The following SLC44A3 variants were observed in gnomAD, a reference collection of about 807,000 sequenced individuals.
SLC44A3 encodes the protein solute carrier family 44 member 3.
SLC44A3 carries 74 observed loss-of-function variants against 75.4 expected under a neutral mutation model. The observed-to-expected ratio is 0.98, with a 90% confidence interval of 0.81 to 1.19. The LOEUF is 1.19. Among genes scored for constraint, SLC44A3 ranks in the 50% most tolerant of loss-of-function variants. The pLI, the probability that SLC44A3 is intolerant of heterozygous loss-of-function variation, is 0.00. For synonymous variants in SLC44A3, 310 were observed against 296.9 expected (o/e 1.04, Z -0.45); for missense variants, 700 against 778.6 (o/e 0.90, Z 1.20).
intron 12 of SLC44A3, among the ~76,000 whole-genome samples, chr1:94,879,632 G>A (rs889014152): frequency 7.3e-5 from 11 of 150,972 alleles, no homozygotes; most frequent in African/African-American, 2.7e-4. Flanking sequence ...GAGGTCAGGA[G>A]ATCAAGACCA....
intron 9 of SLC44A3, among the ~76,000 whole-genome samples, chr1:94,854,247 C>T (rs904219416): frequency 4.6e-5 from 7 of 152,216 alleles, no homozygotes; most frequent in African/African-American, 1.7e-4. Flanking sequence ...AGATGTGACT[C>T]TCAGCCTGTG....
intron 10 of SLC44A3, among the ~76,000 whole-genome samples, chr1:94,862,021 A>G (rs1666638732): frequency 1.3e-5 from 2 of 152,206 alleles, no homozygotes; most frequent in Admixed American, 1.3e-4. Flanking sequence ...GAGCCTAAGG[A>G]ATTTAGGTAG....
At chr1:94,837,652 A>G (rs1465774537) in intron 5 of SLC44A3, 59 bp from the exon 6 acceptor site, 1 of 1,485,290 alleles carries the variant, frequency 6.7e-7, no homozygotes, top group Non-Finnish European at 9.0e-7. Flanking sequence ...TTAAATAAAC[A>G]TCTTTTAAAG....
chr1:94,852,217 A>T (rs1665299733), intron 9 of SLC44A3, among the ~76,000 whole-genome samples: 1 of 152,242 alleles, frequency 6.6e-6, no homozygotes. Flanking sequence ...AAAGTAAGTC[A>T]GTCAATGTTA....
chr1:94,870,767 C>G (rs1245498619), intron 12 of SLC44A3, among the ~76,000 whole-genome samples: 1 of 152,210 alleles, frequency 6.6e-6, no homozygotes, highest in Non-Finnish European at 1.5e-5. Flanking sequence ...ACTGCAACCT[C>G]TGCCTCCCGG....
chr1:94,863,390 C>G (rs1018444925), intron 10 of SLC44A3, among the ~76,000 whole-genome samples: 4 of 152,186 alleles, frequency 2.6e-5, no homozygotes, highest in Non-Finnish European at 5.9e-5. Context: ...CCCCAAGGCC[C>G]TCATTCACAG....
At chr1:94,834,351 C>T (rs1429385578) in intron 5 of SLC44A3, among the ~76,000 whole-genome samples, 7 of 151,956 alleles carry the variant, frequency 4.6e-5, no homozygotes, top group Admixed American at 1.3e-4. Context: ...ACAGATGACT[C>T]GTAGTGGCCA....
chr1:94,853,928 G>A (rs114084789), intron 9 of SLC44A3, among the ~76,000 whole-genome samples: 1,875 of 150,674 alleles, frequency 0.012, 19 homozygotes, highest in Non-Finnish European at 0.019. Flanking sequence ...ATACCAGCAT[G>A]GAGTAGATGC....
intron 2 of SLC44A3, among the ~76,000 whole-genome samples, chr1:94,821,813 G>A (rs765393269): frequency 9.2e-5 from 14 of 152,200 alleles, no homozygotes; most frequent in Non-Finnish European, 1.9e-4. Flanking sequence ...CTACCAGATA[G>A]TAATTACCTT....
At chr1:94,848,019 G>A (rs1246077972) in intron 9 of SLC44A3, among the ~76,000 whole-genome samples, 1 of 152,186 alleles carries the variant, frequency 6.6e-6, no homozygotes, top group Non-Finnish European at 1.5e-5. Context: ...ATGAGGTCAT[G>A]AGATCGAGAC....
intron 9 of SLC44A3, among the ~76,000 whole-genome samples, chr1:94,854,699 C>A (rs1390217716): frequency 6.6e-6 from 1 of 152,164 alleles, no homozygotes; most frequent in Non-Finnish European, 1.5e-5. Flanking sequence ...GAACGTTTGT[C>A]TAAACCAATG....
At chr1:94,846,153 A>AAAT (rs1664377613) in intron 9 of SLC44A3, among the ~76,000 whole-genome samples, 1 of 151,718 alleles carries the variant, frequency 6.6e-6, no homozygotes. Context: ...TCTCAAAAAA[A>AAAT]AAAAAAAAAA....
chr1:94,853,925 C>T (rs1665533613), intron 9 of SLC44A3, among the ~76,000 whole-genome samples: 1 of 151,138 alleles, frequency 6.6e-6, no homozygotes, highest in Non-Finnish European at 1.5e-5. Context: ...ATAATACCAG[C>T]ATGGAGTAGA....
chr1:94,860,838 C>T (rs1472686927), intron 10 of SLC44A3, among the ~76,000 whole-genome samples: 1 of 152,140 alleles, frequency 6.6e-6, no homozygotes, highest in Non-Finnish European at 1.5e-5. Flanking sequence ...ACATGAGTTT[C>T]AGAAAACAGG....
chr1:94,824,744 T>C, intron 3 of SLC44A3, 109 bp downstream of exon 3: 3 of 1,358,302 alleles, frequency 2.2e-6, no homozygotes, highest in Middle Eastern at 2.5e-4. Flanking sequence ...TCTGTCAGCC[T>C]ATTTTATAAA....
At chr1:94,881,581 G>A (rs1368034223) in intron 12 of SLC44A3, among the ~76,000 whole-genome samples, 2 of 151,038 alleles carry the variant, frequency 1.3e-5, no homozygotes, top group African/African-American at 2.4e-5. Context: ...GCGGGTGCCT[G>A]TAGTCCCAGC....
intron 11 of SLC44A3, among the ~76,000 whole-genome samples, chr1:94,866,343 G>T (rs769650427): frequency 2.0e-5 from 3 of 152,078 alleles, no homozygotes; most frequent in Admixed American, 6.6e-5. Flanking sequence ...AAGGCCCAAG[G>T]TCTCTCTGAC....
chr1:94,840,850 G>A (rs893888645), intron 7 of SLC44A3, among the ~76,000 whole-genome samples: 3 of 152,214 alleles, frequency 2.0e-5, no homozygotes, highest in African/African-American at 4.8e-5. Flanking sequence ...TTTCCCTCCC[G>A]GTTGCTGGAT....
intron 9 of SLC44A3, among the ~76,000 whole-genome samples, chr1:94,850,628 G>A (rs1665103018): frequency 6.6e-6 from 1 of 152,204 alleles, no homozygotes; most frequent in Non-Finnish European, 1.5e-5. Flanking sequence ...TGGAACCCAG[G>A]CTGGCTCTGC....
Sources: gnomAD v4.1 joint callset for allele counts (sites outside exome capture counted in the v4.1 genomes callset) on GRCh38, gnomAD v4.1.1 for gene constraint, MANE v1.5 for transcripts, NCBI Gene and HGNC (gene_info 2026-07-23, HGNC 2026-07-21) for gene names.